The following CHM variants were observed in gnomAD, a reference collection of about 807,000 sequenced individuals.
CHM encodes the protein rab proteins geranylgeranyltransferase component A 1.
In CHM, 10 loss-of-function variants were observed where a neutral mutation model predicts 49.0. That is an observed-to-expected ratio of 0.20 (90% CI 0.13 to 0.35). The LOEUF (loss-of-function observed/expected upper bound fraction) is 0.35. Among genes scored for constraint, CHM ranks in the 10% least tolerant of loss-of-function variants. The probability of loss-of-function intolerance (pLI) is 1.00; values close to 1 mark genes in which losing one functional copy is unlikely to be tolerated. For synonymous variants in CHM, 184 were observed against 167.5 expected, an observed-to-expected ratio of 1.10 and a Z score of -0.76; for missense variants, 455 against 478.4, an observed-to-expected ratio of 0.95 and a Z score of 0.46.
chrX:86,018,989 T>G (rs1358813079), intron 2 of CHM, among the ~76,000 whole-genome samples: 3 of 111,760 alleles, frequency 2.7e-5, no homozygotes, highest in Admixed American at 9.6e-5. Context: ...AAATCTAACA[T>G]ACACATTATA....
At chrX:85,896,773 GA>G (rs1925860087) in intron 11 of CHM, among the ~76,000 whole-genome samples, 2 of 103,271 alleles carry the variant, frequency 1.9e-5, no homozygotes, top group South Asian at 8.4e-4. Flanking sequence ...GTCATGAGGG[GA>G]ACCAAAGGGC....
intron 2 of CHM, among the ~76,000 whole-genome samples, chrX:86,000,698 A>G (rs1932674168): frequency 9.0e-6 from 1 of 111,182 alleles, no homozygotes; most frequent in Non-Finnish European, 1.9e-5. Flanking sequence ...ATTTTCAGCA[A>G]CATGGGTGGA....
At chrX:85,919,403 T>A (rs1183335424) in intron 8 of CHM, among the ~76,000 whole-genome samples, 1 of 111,853 alleles carries the variant, frequency 8.9e-6, no homozygotes, top group Non-Finnish European at 1.9e-5. Flanking sequence ...TATTACTTTA[T>A]AATATTAAGT....
At chrX:86,016,591 G>A (rs2147775364) in intron 2 of CHM, among the ~76,000 whole-genome samples, 1 of 112,746 alleles carries the variant, frequency 8.9e-6, no homozygotes, top group South Asian at 3.7e-4. Flanking sequence ...CAAGTGTACA[G>A]AAGTCAAAAA....
At chrX:85,868,019 C>CTGTGTGTGTGTG (rs36027427) in intron 14 of CHM, among the ~76,000 whole-genome samples, 1 of 95,815 alleles carries the variant, frequency 1.0e-5, no homozygotes, top group Non-Finnish European at 2.1e-5. Flanking sequence ...ATAGTTACCA[C>CTGTGTGTGTGTG]TGTGTGTGTG....
chrX:85,975,612 G>C lies in CHM; in HGVS notation c.314+3155C>G, dbSNP rs73630486. ...ATATTCTTAAAATGACAAGATTATA[G>C]AGCTGGAAAACAGATTAGTGATTGT... On this transcript the variant is annotated intron_variant, in intron 4 of 14. Coordinates refer to ENST00000357749, the MANE Select transcript of CHM (RefSeq NM_000390.4). Among the ~76,000 whole-genome samples, 926 of 112,209 alleles carry C rather than the reference G, an allele frequency of 8.3e-3. 10 individuals are homozygous for C. The highest frequency in any genetic ancestry group is 0.027 in the African/African-American group (847 of 30,936).
intron 2 of CHM, among the ~76,000 whole-genome samples, chrX:85,986,366 G>A (rs886346006): frequency 9.0e-6 from 1 of 111,731 alleles, no homozygotes; most frequent in Non-Finnish European, 1.9e-5. Flanking sequence ...CAGCCCAGGA[G>A]CACCAAGCTA....
chrX:85,951,465 T>C lies in CHM; in HGVS notation c.1166+4688A>G, dbSNP rs908922300. Among the ~76,000 whole-genome samples, 12 of 105,794 alleles carry C rather than the reference T, an allele frequency of 1.1e-4. No homozygotes were observed. The East Asian group carries it at 3.5e-3, about 31-fold the overall frequency. The allele number at this position is 105,794 out of a possible 115,157, so 91.9% of individuals were successfully genotyped here. ...ATGACCTCCCAAAAAAAGCTAAGCA[T>C]AAAAAAAAAAGATTGCTCTATTTGA... On this transcript the variant is annotated intron_variant, in intron 8 of 14. Transcript: ENST00000357749.
intron 4 of CHM, among the ~76,000 whole-genome samples, chrX:85,974,553 G>A (rs932970393): frequency 6.3e-5 from 7 of 110,803 alleles, no homozygotes; most frequent in Non-Finnish European, 1.1e-4. Context: ...CATATAGATC[G>A]AACAGAATAA....
intron 3 of CHM, among the ~76,000 whole-genome samples, chrX:85,980,999 G>GT (rs1452407920): frequency 9.3e-6 from 1 of 107,695 alleles, no homozygotes; most frequent in African/African-American, 3.4e-5. Flanking sequence ...AAATTGTTAG[G>GT]TTTTTTCTTT....
At chrX:85,953,649 G>A (rs187727996) in intron 8 of CHM, among the ~76,000 whole-genome samples, 1 of 111,846 alleles carries the variant, frequency 8.9e-6, no homozygotes, top group East Asian at 2.8e-4. Flanking sequence ...TTTGACAAAG[G>A]TGCCAAGAAT....
chrX:85,866,155 C>A (rs114540497), intron 14 of CHM, among the ~76,000 whole-genome samples: 4,574 of 112,324 alleles, frequency 0.041, 212 homozygotes, highest in African/African-American at 0.14. Context: ...TGTCAGAGAT[C>A]TTCCCTAGGA....
intron 14 of CHM, among the ~76,000 whole-genome samples, chrX:85,871,671 T>C (rs1472411872): frequency 9.0e-6 from 1 of 111,578 alleles, no homozygotes; most frequent in East Asian, 2.8e-4. Context: ...GCATGTTACC[T>C]CTGAAGATTA....
chrX:85,935,130 A>G (rs1416767444), intron 8 of CHM, among the ~76,000 whole-genome samples: 1 of 111,648 alleles, frequency 9.0e-6, no homozygotes, highest in Admixed American at 9.5e-5. Flanking sequence ...GAAGTTTCCA[A>G]TAATGGTGGA....
In CHM at chrX:85,901,181, C is replaced by A; in HGVS notation, c.1252G>T (p.Ala418Ser). 1.8e-6 allele frequency: 2 copies of A among 1,141,873 alleles called. No individual in the cohort carries two copies. Among genetic ancestry groups the A allele is most frequent in the Non-Finnish European group, 1.2e-6 (1 of 840,031 alleles). 94.1% of individuals were successfully genotyped at this position (1,141,873 alleles called of 1,213,427 possible). ...VVDKESRKCK[A>S]IIDQFGQRII... is the part of the protein sequence containing the mutation. ...CTCTGACCAAACTGATCTATAATTG[C>A]TTTACATCTATAAAGAAGATAAGCA... Residue 418 changes from alanine (A) to serine (S), a missense_variant, in exon 10 of 15, where the codon GCA becomes TCA. Ala to Ser is a moderately conservative substitution (Grantham distance 99). Coordinates refer to ENST00000357749, the MANE Select transcript of CHM (RefSeq NM_000390.4).
At chrX:86,028,256 T>C (rs889880691) in intron 1 of CHM, among the ~76,000 whole-genome samples, 104 of 111,777 alleles carry the variant, frequency 9.3e-4, no homozygotes, top group African/African-American at 3.4e-3. Context: ...CATATGCATA[T>C]GCATTTTAGA....
chrX:85,880,668 A>G (rs184629823), intron 12 of CHM, among the ~76,000 whole-genome samples: 61 of 111,555 alleles, frequency 5.5e-4, no homozygotes, highest in African/African-American at 1.9e-3. Flanking sequence ...TCTTAGCAAC[A>G]TAACAGACAG....
chrX:85,889,353 TA>T (rs764133319), intron 12 of CHM, among the ~76,000 whole-genome samples: 1 of 111,620 alleles, frequency 9.0e-6, no homozygotes, highest in East Asian at 2.8e-4. Context: ...ATAAAAAACT[TA>T]AACCAACAAG....
intron 8 of CHM, among the ~76,000 whole-genome samples, chrX:85,953,373 C>A (rs192196063): frequency 9.0e-5 from 10 of 111,305 alleles, no homozygotes; most frequent in Middle Eastern, 4.7e-3. Flanking sequence ...AGATTTAATG[C>A]AATCTATATC....
Sources: allele counts gnomAD v4.1 joint callset (sites outside exome capture counted in the v4.1 genomes callset), GRCh38; gene constraint gnomAD v4.1.1; transcripts MANE v1.5; gene names NCBI Gene and HGNC (gene_info 2026-07-23, HGNC 2026-07-21).